The following WDFY4 variants were observed in gnomAD, a reference collection of about 807,000 sequenced individuals.
WDFY4 encodes WD repeat- and FYVE domain-containing protein 4.
Under a neutral mutation model 351.9 loss-of-function variants are expected in WDFY4, and 169 were observed. The ratio of observed to expected loss-of-function variants is 0.48; its 90% confidence interval spans 0.42 to 0.55. The LOEUF is 0.55. Ranked by LOEUF, WDFY4 falls within the 20% of genes least tolerant of loss-of-function variation. WDFY4 has a pLI of 0.00. For synonymous variants in WDFY4, 1,622 were observed against 1,574.6 expected, an observed-to-expected ratio of 1.03 and a Z score of -0.71; for missense variants, 3,803 against 3,935.6, an observed-to-expected ratio of 0.97 and a Z score of 0.90.
At position 48,820,434 on chromosome 10, in the gene WDFY4, G is replaced by C. The variant is rs1225703956; in HGVS notation, c.5706G>C (p.Leu1902=). The stretch of plus-strand genomic sequence containing the variant: ...AGTGGCTGCCCCTGGAGGTGCTCCT[G>C]GAGGTGGGTTGGAAAAGGTGACATT... ...PKQWLPLEVL[L]EASPDHATSQ... The change falls in exon 33 of 62, where the codon CTG becomes CTC. Residue 1902 remains leucine (L), a synonymous_variant. Coordinates refer to ENST00000325239, the MANE Select transcript of WDFY4 (RefSeq NM_001394531.1). The C allele has an allele frequency of 1.9e-6, 3 of 1,550,736 alleles. No individual in the cohort carries two copies. The Admixed American group carries it at 5.9e-5, about 30-fold the overall frequency.
In WDFY4 at chr10:48,790,708, C is replaced by G; in HGVS notation, c.4067-19C>G. Reference sequence around the variant, plus strand: ...GAAGCTGTGACATGTTGATGAAATGCCCACTTTATGCCACACAGGGGTGAG... The same window carrying G: ...GAAGCTGTGACATGTTGATGAAATGGCCACTTTATGCCACACAGGGGTGAG... On this transcript the variant is annotated intron_variant, in intron 22 of 61. Transcript: ENST00000325239. The G allele has an allele frequency of 6.5e-7, 1 of 1,547,948 alleles. No individual in the cohort carries two copies. Among genetic ancestry groups the G allele is most frequent in the South Asian group, 1.2e-5 (1 of 83,768 alleles).
At chr10:48,960,086 A>G (rs1841790187) in intron 53 of WDFY4, among the ~76,000 whole-genome samples, 1 of 152,196 alleles carries the variant, frequency 6.6e-6, no homozygotes, top group Non-Finnish European at 1.5e-5. Flanking sequence ...AGGGCAGGTC[A>G]GTGTCCTCAG....
At chr10:48,791,045 G>A (rs1589618937) in intron 23 of WDFY4, 128 bp downstream of exon 23, 2 of 1,217,760 alleles carry the variant, frequency 1.6e-6, no homozygotes, top group Non-Finnish European at 2.3e-6. Context: ...GCAGCCGAAA[G>A]CCCTTGGGTT....
intron 35 of WDFY4, among the ~76,000 whole-genome samples, chr10:48,825,363 T>C (rs1390920021): frequency 1.3e-5 from 2 of 152,258 alleles, no homozygotes; most frequent in Non-Finnish European, 2.9e-5. Flanking sequence ...CTATCATTGA[T>C]AGACATTTGG....
rs753224692 is a variant in WDFY4 at position 48,901,858 on chromosome 10, T to C, written c.7581T>C (p.Ser2527=). 9 of 1,551,512 alleles carry C rather than the reference T, an allele frequency of 5.8e-6. No individual in the cohort carries two copies. The South Asian group carries it at 1.1e-4, about 18-fold the overall frequency. ...AAGCCACCTCGGAGGACACCCTCAGTCTAAGGTAATGGCGGGTAGCCATGC... is the reference window on the plus strand; with the variant it reads ...AAGCCACCTCGGAGGACACCCTCAGCCTAAGGTAATGGCGGGTAGCCATGC... ...KGKATSEDTL[S]LRRYPGSDRI... The change falls in exon 47 of 62, where the codon AGT becomes AGC. Residue 2527 remains serine (S), a synonymous_variant. Coordinates refer to ENST00000325239, the MANE Select transcript of WDFY4 (RefSeq NM_001394531.1).
chr10:48,943,194 C>A, intron 48 of WDFY4, 136 bp from the exon 49 acceptor site: 2 of 1,016,496 alleles, frequency 2.0e-6, no homozygotes, highest in Non-Finnish European at 2.8e-6. Context: ...GAGATGTGCA[C>A]AAAGTAACCG....
chr10:48,950,103 G>A (rs931619469), intron 51 of WDFY4, among the ~76,000 whole-genome samples: 1 of 152,142 alleles, frequency 6.6e-6, no homozygotes, highest in African/African-American at 2.4e-5. Context: ...GTGTCATTAA[G>A]TGCATACACA....
intron 47 of WDFY4, among the ~76,000 whole-genome samples, chr10:48,905,333 T>C (rs1391210774): frequency 6.6e-6 from 1 of 152,120 alleles, no homozygotes; most frequent in Non-Finnish European, 1.5e-5. Context: ...CCCTCAGAAA[T>C]GATTGCCAGG....
chr10:48,762,791 C>T (rs762491917), intron 13 of WDFY4, among the ~76,000 whole-genome samples: 7 of 152,212 alleles, frequency 4.6e-5, no homozygotes, highest in Admixed American at 6.5e-5. Context: ...ACAGTGGCTC[C>T]GGGCCCCCAC....
intron 1 of WDFY4, among the ~76,000 whole-genome samples, chr10:48,702,343 G>A (rs775184513): frequency 1.3e-5 from 2 of 152,132 alleles, no homozygotes; most frequent in East Asian, 1.9e-4. Context: ...TCAAGAAACA[G>A]GACATTTCTA....
chr10:48,814,238 G>A (rs2067546624), intron 31 of WDFY4, among the ~76,000 whole-genome samples, 156 bp downstream of exon 31: 1 of 152,230 alleles, frequency 6.6e-6, no homozygotes, highest in Admixed American at 6.5e-5. Flanking sequence ...GAGTGACTCA[G>A]GGGCACAACT....
At chr10:48,709,610 A>G (rs1315035701) in intron 1 of WDFY4, 106 bp from the exon 2 acceptor site, 6 of 983,272 alleles carry the variant, frequency 6.1e-6, no homozygotes, top group Non-Finnish European at 8.9e-6. Flanking sequence ...TAGGGGAACC[A>G]TTTTCAATAG....
chr10:48,902,642 C>T (rs1043692457), intron 47 of WDFY4, among the ~76,000 whole-genome samples: 1 of 151,788 alleles, frequency 6.6e-6, no homozygotes, highest in Non-Finnish European at 1.5e-5. Context: ...ATCCCCTGTC[C>T]TTATTGAGTT....
intron 3 of WDFY4, among the ~76,000 whole-genome samples, chr10:48,720,447 A>G (rs940993008): frequency 6.6e-6 from 1 of 151,960 alleles, no homozygotes; most frequent in African/African-American, 2.4e-5. Flanking sequence ...CACAGACATT[A>G]TACACAGATA....
intron 31 of WDFY4, among the ~76,000 whole-genome samples, chr10:48,816,570 A>C (rs1225812822): frequency 6.6e-6 from 1 of 152,200 alleles, no homozygotes; most frequent in Non-Finnish European, 1.5e-5. Context: ...ATGAGCAATT[A>C]ATTTAGGGGT....
At position 48,874,187 on chromosome 10, in the gene WDFY4, GAT is replaced by G. The variant is rs149946737; in HGVS notation, c.6948+491_6948+492del. Among the ~76,000 whole-genome samples, 460 of 152,348 alleles carry G rather than the reference GAT, an allele frequency of 3.0e-3. 5 individuals are homozygous for G. The highest frequency in any genetic ancestry group is 0.01 in the African/African-American group (420 of 41,570). On this transcript the variant is annotated intron_variant, in intron 41 of 61. Transcript: ENST00000325239. Reference sequence around the variant, plus strand: ...ACTGTTTCTGCAATTTTGAGCCAGTGATCCACTCATTCCAAACAACATTGACT... The same window carrying G: ...ACTGTTTCTGCAATTTTGAGCCAGTGCCACTCATTCCAAACAACATTGACT...
chr10:48,752,489 A>G (rs1191966794), intron 12 of WDFY4, among the ~76,000 whole-genome samples: 1 of 152,256 alleles, frequency 6.6e-6, no homozygotes, highest in East Asian at 1.9e-4. Flanking sequence ...GACCACCTCT[A>G]TCTAATTCAA....
At chr10:48,804,901 C>A in intron 25 of WDFY4, 1 of 503,518 alleles carries the variant, frequency 2.0e-6, no homozygotes, top group Non-Finnish European at 2.6e-6. Context: ...GGGCCCTGCA[C>A]TCCTGGCTGG....
At chr10:48,907,918 C>T (rs546652017) in intron 47 of WDFY4, among the ~76,000 whole-genome samples, 8 of 152,320 alleles carry the variant, frequency 5.3e-5, no homozygotes, top group South Asian at 4.1e-4. Flanking sequence ...CAGAGGCGAA[C>T]GGCACCTGGC....
Sources: gnomAD v4.1 joint callset for allele counts (sites outside exome capture counted in the v4.1 genomes callset) on GRCh38, gnomAD v4.1.1 for gene constraint, MANE v1.5 for transcripts, NCBI Gene and HGNC (gene_info 2026-07-23, HGNC 2026-07-21) for gene names.